The following SLCO5A1 variants were observed in gnomAD, a reference collection of about 807,000 sequenced individuals.
SLCO5A1 encodes the protein organic anion transporter polypeptide-related protein 4.
SLCO5A1 carries 39 observed loss-of-function variants against 65.1 expected under a neutral mutation model. The observed-to-expected ratio is 0.60, with a 90% CI of 0.46 to 0.78. The LOEUF (loss-of-function observed/expected upper bound fraction) is 0.78. Ranked by LOEUF, SLCO5A1 falls within the 30% of genes least tolerant of loss-of-function variation. The probability of loss-of-function intolerance (pLI) is 0.00; values close to 1 mark genes in which losing one functional copy is unlikely to be tolerated. For synonymous variants in SLCO5A1, 438 were observed against 415.7 expected, an observed-to-expected ratio of 1.05 and a Z score of -0.65; for missense variants, 1,029 against 1,069.4, an observed-to-expected ratio of 0.96 and a Z score of 0.53.
chr8:69,785,359 TA>T (rs749718679), intron 2 of SLCO5A1, among the ~76,000 whole-genome samples: 4 of 152,222 alleles, frequency 2.6e-5, no homozygotes, highest in African/African-American at 4.8e-5. Context: ...TTAAATTTAG[TA>T]AATCTTATTG....
Position 69,705,015 on chromosome 8 carries a change from C to T in SLCO5A1, c.1622+16G>A. The T allele has an allele frequency of 1.2e-6, 2 of 1,606,560 alleles. No individual in the cohort carries two copies. Among genetic ancestry groups the T allele is most frequent in the South Asian group, 2.2e-5 (2 of 91,046 alleles). ...TCCATCGTGCAGACACGACACGGCT[C>T]TTAAGAGGTACTTACCCTGTTGTAT... On this transcript the variant is annotated intron_variant, in intron 6 of 9. Coordinates refer to ENST00000260126, the MANE Select transcript of SLCO5A1 (RefSeq NM_030958.3).
intron 2 of SLCO5A1, among the ~76,000 whole-genome samples, chr8:69,793,814 TA>T (rs896410626): frequency 1.8e-3 from 257 of 142,894 alleles, no homozygotes; most frequent in African/African-American, 6.1e-3. Flanking sequence ...AATAAATAAA[TA>T]AAATAAAATT....
chr8:69,745,802 G>A lies in SLCO5A1; in HGVS notation c.1259-7598C>T, dbSNP rs1010465520. Reference sequence around the variant, plus strand: ...TGTTAGTGGAATTTAGTACAGTCACGATGTTGTGCAACCACCACATCTATC... The same window carrying A: ...TGTTAGTGGAATTTAGTACAGTCACAATGTTGTGCAACCACCACATCTATC... On this transcript the variant is annotated intron_variant, in intron 4 of 9. Coordinates refer to ENST00000260126, the MANE Select transcript of SLCO5A1 (RefSeq NM_030958.3). Among the ~76,000 whole-genome samples the A allele has an allele frequency of 4.6e-5, 7 of 152,048 alleles. 1 individual carries two copies. In the East Asian group the frequency reaches 5.8e-4, roughly 13 times the overall value.
chr8:69,694,552 G>A (rs1482177870), intron 6 of SLCO5A1, among the ~76,000 whole-genome samples: 2 of 152,284 alleles, frequency 1.3e-5, no homozygotes, highest in South Asian at 2.1e-4. Context: ...GTTGTACACT[G>A]CACAAGGGCA....
chr8:69,830,446 GCC>G (rs931465938), intron 2 of SLCO5A1, among the ~76,000 whole-genome samples: 9 of 152,082 alleles, frequency 5.9e-5, no homozygotes, highest in Non-Finnish European at 1.2e-4. Context: ...TCCTGCCTCA[GCC>G]TCCCGAGTAG....
At chr8:69,705,845 A>T (rs1217962132) in intron 5 of SLCO5A1, among the ~76,000 whole-genome samples, 1 of 152,274 alleles carries the variant, frequency 6.6e-6, no homozygotes, top group Admixed American at 6.5e-5. Flanking sequence ...TGTTGGCAGG[A>T]TGTAAATCTC....
At chr8:69,823,252 A>G (rs577847411) in intron 2 of SLCO5A1, among the ~76,000 whole-genome samples, 2 of 152,358 alleles carry the variant, frequency 1.3e-5, no homozygotes, top group East Asian at 3.9e-4. Flanking sequence ...TAAAGACAGG[A>G]TCAAAGTCAC....
chr8:69,677,376 C>T (rs1221968483), intron 8 of SLCO5A1, among the ~76,000 whole-genome samples: 2 of 151,970 alleles, frequency 1.3e-5, no homozygotes, highest in Non-Finnish European at 2.9e-5. Flanking sequence ...TTATGAACAC[C>T]AAAAGAAAAA....
intron 2 of SLCO5A1, among the ~76,000 whole-genome samples, chr8:69,808,484 C>T (rs1163396614): frequency 6.6e-6 from 1 of 152,150 alleles, no homozygotes; most frequent in Non-Finnish European, 1.5e-5. Context: ...CACGTTCCTG[C>T]AAAGGACATG....
At chr8:69,740,713 A>C (rs1274392121) in intron 4 of SLCO5A1, among the ~76,000 whole-genome samples, 1 of 152,212 alleles carries the variant, frequency 6.6e-6, no homozygotes, top group Non-Finnish European at 1.5e-5. Flanking sequence ...AATACAAGAT[A>C]AGCCTAGAAA....
chr8:69,765,249 C>A (rs1346264014), intron 2 of SLCO5A1, among the ~76,000 whole-genome samples: 1 of 151,814 alleles, frequency 6.6e-6, no homozygotes. Flanking sequence ...CATATACACA[C>A]ATATACAACT....
chr8:69,757,571 C>T (rs1179110357), intron 3 of SLCO5A1, among the ~76,000 whole-genome samples: 5 of 152,138 alleles, frequency 3.3e-5, no homozygotes, highest in South Asian at 2.1e-4. Context: ...CCCAGCTACT[C>T]GGGAGGCTGA....
At chr8:69,768,412 G>A (rs1355213739) in intron 2 of SLCO5A1, among the ~76,000 whole-genome samples, 2 of 152,286 alleles carry the variant, frequency 1.3e-5, no homozygotes, top group Admixed American at 1.3e-4. Context: ...CCCATCACTT[G>A]CCCATAGTCA....
intron 2 of SLCO5A1, among the ~76,000 whole-genome samples, chr8:69,766,063 C>T (rs949742311): frequency 4.6e-5 from 7 of 152,192 alleles, no homozygotes; most frequent in South Asian, 2.1e-4. Context: ...CAGCTGACTT[C>T]GAATGCATCA....
chr8:69,728,233 A>G (rs1190521000), intron 5 of SLCO5A1, among the ~76,000 whole-genome samples: 3 of 152,218 alleles, frequency 2.0e-5, no homozygotes, highest in African/African-American at 7.2e-5. Flanking sequence ...TACGTAATAC[A>G]TGTATTTACT....
At chr8:69,804,747 C>A (rs1242510603) in intron 2 of SLCO5A1, among the ~76,000 whole-genome samples, 1 of 152,182 alleles carries the variant, frequency 6.6e-6, no homozygotes, top group Admixed American at 6.5e-5. Flanking sequence ...GCACACCAAG[C>A]AGGAGGCTAC....
At chr8:69,722,112 C>T (rs1815852884) in intron 5 of SLCO5A1, among the ~76,000 whole-genome samples, 1 of 151,612 alleles carries the variant, frequency 6.6e-6, no homozygotes, top group Admixed American at 6.6e-5. Flanking sequence ...GCGGAGGTTG[C>T]AGTGAGCTGA....
At chr8:69,713,139 C>G (rs1216534362) in intron 5 of SLCO5A1, among the ~76,000 whole-genome samples, 1 of 152,184 alleles carries the variant, frequency 6.6e-6, no homozygotes, top group Non-Finnish European at 1.5e-5. Flanking sequence ...TGTGAAATTA[C>G]AGTGGTACAG....
In SLCO5A1 at chr8:69,670,851, T is replaced by C. The variant is rs1262299616; in HGVS notation, c.*2018A>G. ...CCACACCTCTCCAATCTACATATCT[T>C]TAACTCCCACACCAAAGGAAAATTT... On this transcript the variant is annotated 3_prime_UTR_variant, in exon 10 of 10. Coordinates refer to ENST00000260126, the MANE Select transcript of SLCO5A1 (RefSeq NM_030958.3). The C allele has an allele frequency of 6.6e-6, 1 of 152,194 alleles. No individual in the cohort carries two copies. Among genetic ancestry groups the C allele is most frequent in the East Asian group, 1.9e-4 (1 of 5,188 alleles). 9.4% of individuals were successfully genotyped at this position (152,194 alleles called of 1,614,324 possible). A position where few individuals can be genotyped will look rare whatever the true frequency, so the allele number is the denominator to read the frequency against.
Sources: gnomAD v4.1 joint callset for allele counts (sites outside exome capture counted in the v4.1 genomes callset) on GRCh38, gnomAD v4.1.1 for gene constraint, MANE v1.5 for transcripts, NCBI Gene and HGNC (gene_info 2026-07-23, HGNC 2026-07-21) for gene names.